Variants in PDE11A observed in about 807,000 individuals in gnomAD.
The protein encoded by PDE11A is phosphodiesterase 11A, also known as dual 3',5'-cyclic-AMP and -GMP phosphodiesterase 11A.
PDE11A carries 100 observed loss-of-function variants against 100.5 expected under a neutral mutation model. The observed-to-expected ratio is 1.00, with a 90% confidence interval of 0.85 to 1.18. PDE11A has a LOEUF of 1.18. Among genes scored for constraint, PDE11A ranks in the 50% most tolerant of loss-of-function variants. PDE11A has a pLI of 0.00. For synonymous variants in PDE11A, 381 were observed against 420.8 expected (o/e 0.91, Z 1.16); for missense variants, 1,141 against 1,152.6 (o/e 0.99, Z 0.15).
intron 10 of PDE11A, among the ~76,000 whole-genome samples, chr2:177,728,417 C>T (rs911779538): frequency 1.3e-5 from 2 of 152,032 alleles, no homozygotes; most frequent in African/African-American, 2.4e-5. Flanking sequence ...ATAAAATACA[C>T]GCACTGGATC....
intron 19 of PDE11A, among the ~76,000 whole-genome samples, chr2:177,630,910 C>T (rs1351983668): frequency 6.6e-6 from 1 of 152,040 alleles, no homozygotes; most frequent in East Asian, 1.9e-4. Flanking sequence ...CTTTTAGAAA[C>T]ATGGTCTTTG....
intron 5 of PDE11A, among the ~76,000 whole-genome samples, chr2:177,851,511 T>C (rs1490144431): frequency 6.6e-6 from 1 of 152,174 alleles, no homozygotes; most frequent in Admixed American, 6.5e-5. Flanking sequence ...GTTGTGCACA[T>C]GTACCCTAGA....
At chr2:178,049,564 T>G (rs1382487571) in intron 1 of PDE11A, among the ~76,000 whole-genome samples, 1 of 152,200 alleles carries the variant, frequency 6.6e-6, no homozygotes, top group Non-Finnish European at 1.5e-5. Flanking sequence ...TCGCCTCACC[T>G]GGGAAGTGCA....
At chr2:178,042,796 T>A (rs1194316296) in intron 1 of PDE11A, among the ~76,000 whole-genome samples, 1 of 144,656 alleles carries the variant, frequency 6.9e-6, no homozygotes, top group Non-Finnish European at 1.5e-5. Flanking sequence ...TATAACTATA[T>A]TACACAGAAG....
At chr2:177,991,092 C>CATGGGTAG (rs1355797132) in intron 2 of PDE11A, among the ~76,000 whole-genome samples, 1 of 145,814 alleles carries the variant, frequency 6.9e-6, no homozygotes, top group Admixed American at 6.9e-5. Context: ...GGGAGGCCAG[C>CATGGGTAG]ATGGGTAGAT....
upstream of PDE11A, among the ~76,000 whole-genome samples, chr2:178,074,100 T>C (rs556661639): frequency 2.0e-5 from 3 of 152,254 alleles, no homozygotes; most frequent in Admixed American, 6.5e-5. Flanking sequence ...AAAAACATCA[T>C]GCAAAATGAA....
intron 5 of PDE11A, among the ~76,000 whole-genome samples, chr2:177,846,708 G>T (rs959927466): frequency 6.6e-6 from 1 of 152,186 alleles, no homozygotes; most frequent in African/African-American, 2.4e-5. Flanking sequence ...TAGTCTAACT[G>T]TGCTTGTTTG....
At chr2:177,844,159 G>A (rs2083540030) in intron 5 of PDE11A, among the ~76,000 whole-genome samples, 1 of 152,166 alleles carries the variant, frequency 6.6e-6, no homozygotes. Context: ...AATACCATAA[G>A]TTGGGTGACT....
chr2:178,060,611 G>A (rs1360923275), intron 1 of PDE11A, among the ~76,000 whole-genome samples: 1 of 152,104 alleles, frequency 6.6e-6, no homozygotes, highest in African/African-American at 2.4e-5. Flanking sequence ...GGTGGAACTG[G>A]GAATCGAATT....
intron 1 of PDE11A, among the ~76,000 whole-genome samples, chr2:178,017,199 A>G (rs6758442): frequency 0.5 from 76,661 of 152,238 alleles, 20,099 homozygotes; most frequent in East Asian, 0.71. Context: ...GGCGCCACAT[A>G]CCACTCTTTG....
Position 177,849,153 on chromosome 2 carries a change from A to C in PDE11A, c.1368-8770T>G, listed in dbSNP as rs115671693. Among the ~76,000 whole-genome samples, 713 of 152,332 alleles carry C rather than the reference A, an allele frequency of 4.7e-3. 14 individuals carry two copies. Among genetic ancestry groups the C allele is most frequent in the African/African-American group, 0.016 (678 of 41,574 alleles). On this transcript the variant is annotated intron_variant, in intron 5 of 19. Coordinates refer to ENST00000286063, the MANE Select transcript of PDE11A (RefSeq NM_016953.4). ...TAAGGATCTTTTCCTTGTTGTTGAA[A>C]GAAGCTGGCACATGGAAACCCATCC...
chr2:178,088,270 A>C (rs529291714), intron 2 of PDE11A, among the ~76,000 whole-genome samples: 1 of 152,364 alleles, frequency 6.6e-6, no homozygotes, highest in Non-Finnish European at 1.5e-5. Context: ...AATCTATGTT[A>C]ATATTTCAGA....
intron 2 of PDE11A, among the ~76,000 whole-genome samples, chr2:177,980,596 T>C (rs2085868851): frequency 6.6e-6 from 1 of 150,902 alleles, no homozygotes; most frequent in Non-Finnish European, 1.5e-5. Flanking sequence ...CAGATTTATT[T>C]AGTTTTTTAT....
chr2:178,096,938 G>A (rs1211026604), intron 2 of PDE11A, among the ~76,000 whole-genome samples: 1 of 151,952 alleles, frequency 6.6e-6, no homozygotes, highest in Non-Finnish European at 1.5e-5. Context: ...CTAGGCTGTA[G>A]TGCAGTGGTG....
intron 1 of PDE11A, among the ~76,000 whole-genome samples, chr2:178,027,312 T>C (rs2086490262): frequency 6.6e-6 from 1 of 152,064 alleles, no homozygotes; most frequent in Non-Finnish European, 1.5e-5. Context: ...TTATAAGTGG[T>C]TTTATTATGA....
At chr2:177,925,009 T>C (rs1460244020) in intron 2 of PDE11A, among the ~76,000 whole-genome samples, 3 of 150,734 alleles carry the variant, frequency 2.0e-5, no homozygotes, top group Non-Finnish European at 4.4e-5. Flanking sequence ...GATAGTTTAC[T>C]GAGAATGATG....
chr2:178,065,928 G>A (rs2087037182), intron 1 of PDE11A, among the ~76,000 whole-genome samples: 1 of 151,676 alleles, frequency 6.6e-6, no homozygotes, highest in South Asian at 2.1e-4. Context: ...ATTCAATGAA[G>A]TACTAAATAT....
rs1425304099 is a variant in PDE11A, at chr2:177,907,853, A to AT, written c.1072-2667dup. On this transcript the variant is annotated intron_variant, in intron 2 of 19. Transcript: ENST00000286063. ...TGTCATGCAATCTACTATATGTGCT[A>AT]TTACTGGGGTCAGGGAACCAGCAAA... 4.6e-5 allele frequency among the ~76,000 whole-genome samples: 7 copies of AT among 152,334 alleles called. No individual in the cohort carries two copies. The East Asian group carries it at 1.2e-3, about 25-fold the overall frequency.
At chr2:177,918,350 G>A (rs2084985406) in intron 2 of PDE11A, among the ~76,000 whole-genome samples, 1 of 152,166 alleles carries the variant, frequency 6.6e-6, no homozygotes, top group Non-Finnish European at 1.5e-5. Context: ...GTCTCAGCCT[G>A]TCCTTTATTG....
Sources: allele counts gnomAD v4.1 joint callset (sites outside exome capture counted in the v4.1 genomes callset), GRCh38; gene constraint gnomAD v4.1.1; transcripts MANE v1.5; gene names NCBI Gene and HGNC (gene_info 2026-07-23, HGNC 2026-07-21).